Variants in ABCC11 observed in about 807,000 individuals in gnomAD.
ABCC11 encodes ATP binding cassette subfamily C member 11.
ABCC11 carries 135 observed loss-of-function variants against 149.3 expected under a neutral mutation model. The ratio of observed to expected loss-of-function variants is 0.90; its 90% CI spans 0.79 to 1.04. The LOEUF (loss-of-function observed/expected upper bound fraction) is 1.04, where lower values mean the gene tolerates loss of function less well. Ranked by LOEUF, ABCC11 falls within the 50% of genes least tolerant of loss-of-function variation. ABCC11 has a pLI of 0.00. For missense variants in ABCC11, 1,680 were observed against 1,722.1 expected (o/e 0.98, Z 0.43); for synonymous variants, 665 against 671.4 (o/e 0.99, Z 0.15).
Position 48,166,997 on chromosome 16 carries a change from T to G in ABCC11, c.*277A>C. The G allele has an allele frequency of 2.3e-6, 1 of 428,232 alleles. No homozygotes were observed. Among genetic ancestry groups the G allele is most frequent in the Non-Finnish European group, 4.2e-6 (1 of 236,542 alleles). 26.5% of individuals were successfully genotyped at this position (428,232 alleles called of 1,614,324 possible). A position where few individuals can be genotyped will look rare whatever the true frequency, so the allele number is the denominator to read the frequency against. ...GATCAGAAAACTATAAGCTTTTACC[T>G]TATTATAAAATTATTCAGCATGTAA... On this transcript the variant is annotated 3_prime_UTR_variant, in exon 30 of 30. Transcript: ENST00000356608.
At chr16:48,201,359 C>G (rs547853246) in intron 14 of ABCC11, among the ~76,000 whole-genome samples, 3 of 152,148 alleles carry the variant, frequency 2.0e-5, no homozygotes, top group Admixed American at 6.5e-5. Context: ...TGGCTTACTG[C>G]GACCTCCGCC....
chr16:48,203,024 C>T (rs2150829667), intron 14 of ABCC11, among the ~76,000 whole-genome samples: 1 of 152,328 alleles, frequency 6.6e-6, no homozygotes. Flanking sequence ...ATAAGGTACC[C>T]ACTTTCCTTT....
chr16:48,215,612 T>C (rs1316388292), intron 7 of ABCC11, among the ~76,000 whole-genome samples: 1 of 152,182 alleles, frequency 6.6e-6, no homozygotes, highest in African/African-American at 2.4e-5. Context: ...ATAATTAAAA[T>C]CATCTTTCCA....
chr16:48,174,077 C>G (rs1465596627), intron 26 of ABCC11, among the ~76,000 whole-genome samples: 1 of 152,228 alleles, frequency 6.6e-6, no homozygotes, highest in African/African-American at 2.4e-5. Context: ...TTTCTGGATT[C>G]ACTCAGGCAG....
chr16:48,245,164 A>C (rs1030332901), intron 1 of ABCC11, among the ~76,000 whole-genome samples: 1 of 151,704 alleles, frequency 6.6e-6, no homozygotes, highest in Non-Finnish European at 1.5e-5. Context: ...ACTCCCTGCC[A>C]CCCTTCTCCT....
chr16:48,210,381 A>G (rs1458492598), intron 11 of ABCC11: 1 of 152,414 alleles, frequency 6.6e-6, no homozygotes, highest in Non-Finnish European at 1.5e-5. Flanking sequence ...AACACCTATT[A>G]CTACTAGATA....
At chr16:48,177,214 CCAG>C in intron 24 of ABCC11, 101 bp from the exon 25 acceptor site, 2 of 1,238,456 alleles carry the variant, frequency 1.6e-6, no homozygotes, top group Non-Finnish European at 2.2e-6. Flanking sequence ...GTGACCCACC[CCAG>C]CCTGCCTTGC....
intron 24 of ABCC11, among the ~76,000 whole-genome samples, chr16:48,177,439 G>A (rs978473117): frequency 7.9e-5 from 12 of 152,172 alleles, no homozygotes; most frequent in African/African-American, 1.9e-4. Context: ...TCCCCCCTTC[G>A]GGGGGGTTCA....
chr16:48,231,763 C>T (rs564164680), intron 2 of ABCC11, 60 bp downstream of exon 2: 82 of 1,583,872 alleles, frequency 5.2e-5, no homozygotes, highest in African/African-American at 2.3e-4. Flanking sequence ...AATTTATGAC[C>T]GTGGAGAATA....
chr16:48,212,039 A>G (rs1168163596), intron 10 of ABCC11, among the ~76,000 whole-genome samples: 1 of 152,196 alleles, frequency 6.6e-6, no homozygotes, highest in Non-Finnish European at 1.5e-5. Flanking sequence ...AGGTGAAAAC[A>G]GGCACAGAAG....
At position 48,193,977 on chromosome 16, in the gene ABCC11, T is replaced by C. The variant is rs142212392; in HGVS notation, c.2410A>G (p.Met804Val). The C allele has an allele frequency of 2.7e-5, 44 of 1,610,670 alleles. No homozygotes were observed. The highest frequency in any genetic ancestry group is 2.3e-4 in the Admixed American group (14 of 59,984). Residue 804 changes from methionine (M) to valine (V), a missense_variant, in exon 19 of 30, where the codon ATG becomes GTG. Physicochemically the swap from Met to Val is conservative, Grantham distance 21. Transcript: ENST00000356608. ...HHYIQAAGGY[M>V]VSCIIFFFVV... ...AAGAAGAAAATTATGCAAGAGACCA[T>C]GTAACCTGGGAGGGAGACAGTGGTG...
At chr16:48,245,472 A>G (rs1323155574) in intron 1 of ABCC11, among the ~76,000 whole-genome samples, 1 of 152,236 alleles carries the variant, frequency 6.6e-6, no homozygotes, top group Non-Finnish European at 1.5e-5. Context: ...TGCACCATGC[A>G]TGATGGATGA....
In ABCC11 at chr16:48,230,400, G is replaced by C. The variant is rs748420495; in HGVS notation, c.236+37C>G. ...AGGGTTGGGGATCATTGCCCTGGTGGATACAGCTCTCTCCCACCACCCCCA... is the reference window on the plus strand; with the variant it reads ...AGGGTTGGGGATCATTGCCCTGGTGCATACAGCTCTCTCCCACCACCCCCA... On this transcript the variant is annotated intron_variant, in intron 3 of 29. Coordinates refer to ENST00000356608, the MANE Select transcript of ABCC11 (RefSeq NM_001370497.1). The C allele has an allele frequency of 3.3e-6, 5 of 1,535,212 alleles. No homozygotes were observed. In the South Asian group the frequency reaches 6.3e-5, roughly 19 times the overall value.
chr16:48,223,080 C>A (rs1037794679), intron 5 of ABCC11, among the ~76,000 whole-genome samples: 20 of 152,274 alleles, frequency 1.3e-4, no homozygotes, highest in Non-Finnish European at 2.6e-4. Context: ...GGGACACACA[C>A]AAAACAGTGA....
chr16:48,194,768 C>T (rs1310343998), intron 18 of ABCC11, among the ~76,000 whole-genome samples: 3 of 152,238 alleles, frequency 2.0e-5, no homozygotes, highest in Non-Finnish European at 4.4e-5. Context: ...GAAGTAGATA[C>T]TGGGCCCTCA....
intron 1 of ABCC11, among the ~76,000 whole-genome samples, chr16:48,240,830 T>C (rs1970930218): frequency 6.6e-6 from 1 of 152,086 alleles, no homozygotes; most frequent in African/African-American, 2.4e-5. Context: ...AATAGTAACT[T>C]ACAGTGAAAA....
Position 48,198,025 on chromosome 16 carries a change from C to G in ABCC11, c.2260G>C (p.Val754Leu). ...DTAKIAEKPKVESQALATSLE... is the reference protein window; with the variant it reads ...DTAKIAEKPKLESQALATSLE... ...GAGGTGGCCAGAGCCTGACTTTCTA[C>G]CTTTGGCTTCTCTGCTATCTTTGCT... is the stretch of plus-strand genomic sequence containing the variant. Residue 754 changes from valine to leucine, a missense_variant, in exon 17 of 30, where the codon GTA (valine) becomes CTA (leucine). Transcript: ENST00000356608. The G allele has an allele frequency of 1.9e-6, 3 of 1,614,202 alleles. No homozygotes were observed. The highest frequency in any genetic ancestry group is 1.7e-6 in the Non-Finnish European group (2 of 1,180,040).
rs190306616 is a variant in ABCC11 at position 48,192,602 on chromosome 16, C to G, written c.2624G>C (p.Cys875Ser). ...AATCCCTGAGGAGCAGACCCCCACACAGATGAGGAGCAGGGCGTTGAGCCC... is the reference window on the plus strand; with the variant it reads ...AATCCCTGAGGAGCAGACCCCCACAGAGATGAGGAGCAGGGCGTTGAGCCC... ...VYGLNALLLI[C>S]VGVCSSGIFT... The change falls in exon 20 of 30, where the codon TGT (cysteine) becomes TCT (serine). Residue 875 changes from cysteine to serine, a missense_variant. Coordinates refer to ENST00000356608, the MANE Select transcript of ABCC11 (RefSeq NM_001370497.1). 1.9e-6 allele frequency: 3 copies of G among 1,614,222 alleles called. No individual in the cohort carries two copies. Among genetic ancestry groups the G allele is most frequent in the East Asian group, 2.2e-5 (1 of 44,886 alleles).
intron 15 of ABCC11, among the ~76,000 whole-genome samples, chr16:48,199,321 T>C (rs1596739590): frequency 1.3e-5 from 2 of 152,124 alleles, no homozygotes; most frequent in East Asian, 3.9e-4. Flanking sequence ...AATGTTTTAT[T>C]GTTTAATCTG....
Sources: allele counts gnomAD v4.1 joint callset (sites outside exome capture counted in the v4.1 genomes callset), GRCh38; gene constraint gnomAD v4.1.1; transcripts MANE v1.5; gene names NCBI Gene and HGNC (gene_info 2026-07-23, HGNC 2026-07-21).